Variants in ST8SIA4 observed in about 807,000 individuals in gnomAD.
The protein encoded by ST8SIA4 is ST8 alpha-N-acetyl-neuraminide alpha-2,8-sialyltransferase 4.
A neutral mutation model predicts 33.9 loss-of-function variants in ST8SIA4; 15 were observed. That is an observed-to-expected ratio of 0.44 (90% CI 0.30 to 0.68). The LOEUF is 0.68. Among genes scored for constraint, ST8SIA4 ranks in the 30% least tolerant of loss-of-function variants. ST8SIA4 has a pLI of 0.10. For synonymous variants in ST8SIA4, 171 were observed against 151.2 expected, an observed-to-expected ratio of 1.13 and a Z score of -0.96; for missense variants, 321 against 428.0, an observed-to-expected ratio of 0.75 and a Z score of 2.21.
chr5:100,896,985 A>G (rs1283069756), intron 1 of ST8SIA4, among the ~76,000 whole-genome samples: 1 of 152,144 alleles, frequency 6.6e-6, no homozygotes, highest in Non-Finnish European at 1.5e-5. Context: ...CAGTAGTCTT[A>G]CCTTACCTTG....
At chr5:100,895,358 C>A (rs895774408) in intron 2 of ST8SIA4, among the ~76,000 whole-genome samples, 2 of 152,002 alleles carry the variant, frequency 1.3e-5, no homozygotes, top group African/African-American at 4.8e-5. Context: ...TATGTCCATC[C>A]TGAGTAATTG....
chr5:100,889,628 C>G (rs1561407697), intron 2 of ST8SIA4, among the ~76,000 whole-genome samples: 1 of 151,842 alleles, frequency 6.6e-6, no homozygotes, highest in African/African-American at 2.4e-5. Context: ...TAAAACATGT[C>G]TTTTAAGTTC....
intron 4 of ST8SIA4, among the ~76,000 whole-genome samples, chr5:100,837,960 C>T (rs149664445): frequency 6.6e-6 from 1 of 152,088 alleles, no homozygotes; most frequent in East Asian, 1.9e-4. Flanking sequence ...CAGTATTCTC[C>T]ATTTCTGAGA....
chr5:100,827,683 T>C (rs1324784449), intron 4 of ST8SIA4, among the ~76,000 whole-genome samples: 3 of 152,158 alleles, frequency 2.0e-5, no homozygotes, highest in Non-Finnish European at 2.9e-5. Context: ...TGCCAGAGTG[T>C]TTTCTCACAG....
At chr5:100,825,793 T>G (rs1314120475) in intron 4 of ST8SIA4, among the ~76,000 whole-genome samples, 1 of 152,212 alleles carries the variant, frequency 6.6e-6, no homozygotes, top group African/African-American at 2.4e-5. Context: ...TAGGTAGATA[T>G]TTTTGTCATT....
At chr5:100,838,890 T>C (rs1580456642) in intron 4 of ST8SIA4, among the ~76,000 whole-genome samples, 1 of 152,028 alleles carries the variant, frequency 6.6e-6, no homozygotes, top group African/African-American at 2.4e-5. Flanking sequence ...AATCATAAAA[T>C]GGTGGCATTC....
rs1389388830 is a variant in ST8SIA4 at position 100,898,193 on chromosome 5, G to A, written c.114-2408C>T. On this transcript the variant is annotated intron_variant, in intron 1 of 4. Transcript: ENST00000231461. ...ACTCTTTAAGATGTGTGGAAGAGCTGGGTATGGTTGGCAGTGCCTACTCAG... is the reference window on the plus strand; with the variant it reads ...ACTCTTTAAGATGTGTGGAAGAGCTAGGTATGGTTGGCAGTGCCTACTCAG... Among the ~76,000 whole-genome samples the A allele has an allele frequency of 2.6e-5, 4 of 152,112 alleles. No homozygotes were observed. The East Asian group carries it at 7.7e-4, about 29-fold the overall frequency.
At chr5:100,829,136 C>T (rs530945898) in intron 4 of ST8SIA4, among the ~76,000 whole-genome samples, 3 of 152,318 alleles carry the variant, frequency 2.0e-5, no homozygotes, top group South Asian at 4.1e-4. Flanking sequence ...TTGCTCTCAC[C>T]TCACTGCCAT....
At chr5:100,828,373 C>A (rs1361858340) in intron 4 of ST8SIA4, among the ~76,000 whole-genome samples, 2 of 152,168 alleles carry the variant, frequency 1.3e-5, no homozygotes, top group Non-Finnish European at 2.9e-5. Context: ...CCTGAGAAAG[C>A]AACTTTCCGG....
intron 4 of ST8SIA4, among the ~76,000 whole-genome samples, chr5:100,841,153 C>T (rs1751462754): frequency 6.6e-6 from 1 of 151,818 alleles, no homozygotes; most frequent in South Asian, 2.1e-4. Flanking sequence ...TACTGATTTC[C>T]ATAGTTGCAT....
chr5:100,861,248 T>C (rs1430347154), intron 3 of ST8SIA4, among the ~76,000 whole-genome samples: 1 of 152,026 alleles, frequency 6.6e-6, no homozygotes, highest in African/African-American at 2.4e-5. Flanking sequence ...AATTCTCAAC[T>C]TGATAGAAAT....
intron 4 of ST8SIA4, among the ~76,000 whole-genome samples, chr5:100,819,850 CAG>C (rs1360150764): frequency 2.0e-5 from 3 of 152,018 alleles, no homozygotes; most frequent in Non-Finnish European, 4.4e-5. Context: ...AAAATAGAAA[CAG>C]AAGAGATAAA....
At chr5:100,838,200 A>C (rs542083463) in intron 4 of ST8SIA4, among the ~76,000 whole-genome samples, 1 of 152,032 alleles carries the variant, frequency 6.6e-6, no homozygotes, top group Non-Finnish European at 1.5e-5. Flanking sequence ...ATAATCATGA[A>C]GAAATAGAGA....
intron 4 of ST8SIA4, among the ~76,000 whole-genome samples, chr5:100,851,692 G>A (rs1193713443): frequency 6.6e-6 from 1 of 151,844 alleles, no homozygotes; most frequent in African/African-American, 2.4e-5. Context: ...AGGTTTTTTG[G>A]AAGGATTCTT....
chr5:100,900,939 C>T (rs1165662823), intron 1 of ST8SIA4, among the ~76,000 whole-genome samples: 1 of 152,230 alleles, frequency 6.6e-6, no homozygotes, highest in Admixed American at 6.5e-5. Context: ...CAAGCGCCTG[C>T]CCCAACGCCT....
intron 3 of ST8SIA4, among the ~76,000 whole-genome samples, chr5:100,864,923 C>T (rs915558310): frequency 1.3e-5 from 2 of 152,258 alleles, no homozygotes; most frequent in South Asian, 2.1e-4. Context: ...AGTCTATTTC[C>T]TTTGTTTCTG....
At chr5:100,887,255 G>C (rs1006174219) in intron 2 of ST8SIA4, among the ~76,000 whole-genome samples, 7 of 152,068 alleles carry the variant, frequency 4.6e-5, no homozygotes, top group Non-Finnish European at 1.0e-4. Flanking sequence ...CTGTGTGGCA[G>C]AGGTAGCTAA....
intron 4 of ST8SIA4, among the ~76,000 whole-genome samples, chr5:100,828,379 T>A (rs1413462756): frequency 1.3e-5 from 2 of 152,186 alleles, no homozygotes; most frequent in African/African-American, 4.8e-5. Flanking sequence ...AAAGCAACTT[T>A]CCGGTACTCC....
chr5:100,877,043 T>C (rs1450197938), intron 3 of ST8SIA4, among the ~76,000 whole-genome samples: 1 of 152,082 alleles, frequency 6.6e-6, no homozygotes, highest in African/African-American at 2.4e-5. Context: ...TGGGTAAATC[T>C]TATCCTTAAG....
Sources: gnomAD v4.1 joint callset for allele counts (sites outside exome capture counted in the v4.1 genomes callset) on GRCh38, gnomAD v4.1.1 for gene constraint, MANE v1.5 for transcripts, NCBI Gene and HGNC (gene_info 2026-07-23, HGNC 2026-07-21) for gene names.